Variants in SLC4A7 observed in about 807,000 individuals in gnomAD.
SLC4A7 encodes the protein sodium bicarbonate cotransporter 3.
SLC4A7 carries 51 observed loss-of-function variants against 137.6 expected under a neutral mutation model. That is an observed-to-expected ratio of 0.37 (90% confidence interval 0.30 to 0.47). The LOEUF is 0.47. Ranked by LOEUF, SLC4A7 falls within the 20% of genes least tolerant of loss-of-function variation. The pLI, the probability that SLC4A7 is intolerant of heterozygous loss-of-function variation, is 1.00. For synonymous variants in SLC4A7, 542 were observed against 518.6 expected (o/e 1.05, Z -0.61); for missense variants, 1,247 against 1,525.4 (o/e 0.82, Z 3.04).
At chr3:27,452,311 A>G in intron 2 of SLC4A7, 106 bp downstream of exon 2, 1 of 717,346 alleles carries the variant, frequency 1.4e-6, no homozygotes, top group African/African-American at 1.8e-5. Context: ...TTACAACAAT[A>G]ACAAAAAAAC....
At chr3:27,404,243 A>G (rs924115775) in intron 14 of SLC4A7, among the ~76,000 whole-genome samples, 3 of 152,124 alleles carry the variant, frequency 2.0e-5, no homozygotes, top group Admixed American at 1.3e-4. Context: ...TTGCGGCGCC[A>G]GTAATCCCAG....
Position 27,379,357 on chromosome 3 carries a change from C to T in SLC4A7, c.3591-1G>A. Reference sequence around the variant, plus strand: ...TATGTTAACAATTGAGGGATCAACACTGAAGAACAAATACACTTTTTGGTT... The same window carrying T: ...TATGTTAACAATTGAGGGATCAACATTGAAGAACAAATACACTTTTTGGTT... On this transcript the variant is annotated splice_acceptor_variant, in intron 24 of 25. Coordinates refer to ENST00000454389, the MANE Select transcript of SLC4A7 (RefSeq NM_001321103.2). LOFTEE classifies it high-confidence loss of function. 1 of 1,491,938 alleles carries T rather than the reference C, an allele frequency of 6.7e-7. No homozygotes were observed. The highest frequency in any genetic ancestry group is 1.2e-5 in the South Asian group (1 of 83,026). 92.4% of individuals were successfully genotyped at this position (1,491,938 alleles called of 1,614,324 possible). A position where few individuals can be genotyped will look rare whatever the true frequency, so the allele number is the denominator to read the frequency against.
At chr3:27,445,763 CA>C (rs71087607) in intron 3 of SLC4A7, among the ~76,000 whole-genome samples, 68,379 of 99,424 alleles carry the variant, frequency 0.69, 22,972 homozygotes, top group East Asian at 0.92. Flanking sequence ...ACTAAAAATA[CA>C]AAAAAAAAAA....
At chr3:27,391,347 G>A (rs963966842) in intron 21 of SLC4A7, among the ~76,000 whole-genome samples, 1 of 152,054 alleles carries the variant, frequency 6.6e-6, no homozygotes, top group Non-Finnish European at 1.5e-5. Flanking sequence ...TATATGCTAG[G>A]CTTCATAAGC....
intron 3 of SLC4A7, among the ~76,000 whole-genome samples, chr3:27,437,961 C>A (rs1175020981): frequency 2.0e-5 from 3 of 152,166 alleles, no homozygotes; most frequent in Non-Finnish European, 4.4e-5. Flanking sequence ...CTTTGAGAGG[C>A]AGAGGCAAGT....
chr3:27,440,970 A>G (rs7646770), intron 3 of SLC4A7, among the ~76,000 whole-genome samples: 140,552 of 152,034 alleles, frequency 0.92, 65,095 homozygotes, highest in East Asian at 1. Flanking sequence ...GCTTGAACCC[A>G]GGACGCAGAG....
chr3:27,387,887 C>T (rs1193802546), intron 22 of SLC4A7, among the ~76,000 whole-genome samples: 1 of 152,198 alleles, frequency 6.6e-6, no homozygotes, highest in Non-Finnish European at 1.5e-5. Context: ...TGCCCACCCC[C>T]ACATACTGCC....
intron 1 of SLC4A7, among the ~76,000 whole-genome samples, chr3:27,483,848 G>C (rs1284941561): frequency 1.3e-5 from 2 of 151,080 alleles, no homozygotes; most frequent in African/African-American, 4.8e-5. Flanking sequence ...CGGCCGCCCC[G>C]ACTCGGGCCT....
At chr3:27,456,498 C>G (rs2058417728) in intron 1 of SLC4A7, among the ~76,000 whole-genome samples, 1 of 152,190 alleles carries the variant, frequency 6.6e-6, no homozygotes, top group Non-Finnish European at 1.5e-5. Flanking sequence ...CAAGGAATTA[C>G]TCTTCAACAG....
intron 12 of SLC4A7, 62 bp from the exon 13 acceptor site, chr3:27,409,592 A>G: frequency 4.5e-6 from 6 of 1,340,726 alleles, no homozygotes; most frequent in Non-Finnish European, 6.1e-6. Flanking sequence ...ACTTCAAACT[A>G]AAACTATGGG....
In SLC4A7 at chr3:27,372,820, G is replaced by A. The variant is rs2049647220; in HGVS notation, c.*3944C>T. 1 of 152,566 alleles carries A rather than the reference G, an allele frequency of 6.6e-6. No homozygotes were observed. The highest frequency in any genetic ancestry group is 1.5e-5 in the Non-Finnish European group (1 of 68,022). 9.5% of individuals were successfully genotyped at this position (152,566 alleles called of 1,614,324 possible). ...ATGAAACAAATTTGAAAGGCAGGAT[G>A]ATTCACAATATAGACCCAGTAGAGG... On this transcript the variant is annotated 3_prime_UTR_variant, in exon 26 of 26. Transcript: ENST00000454389.
intron 18 of SLC4A7, among the ~76,000 whole-genome samples, chr3:27,397,064 T>C (rs1240483907): frequency 6.6e-6 from 1 of 152,174 alleles, no homozygotes; most frequent in Non-Finnish European, 1.5e-5. Context: ...GTTCCCCTCT[T>C]ATTGCCCAGT....
chr3:27,456,583 G>C (rs2058423788), intron 1 of SLC4A7: 3 of 1,075,068 alleles, frequency 2.8e-6, no homozygotes, highest in Admixed American at 1.7e-5. Context: ...ATTTCTTCAA[G>C]CTTCACTATT....
chr3:27,433,645 G>A (rs1439687363), intron 6 of SLC4A7, among the ~76,000 whole-genome samples: 1 of 151,604 alleles, frequency 6.6e-6, no homozygotes, highest in Non-Finnish European at 1.5e-5. Context: ...AGTATGTTCA[G>A]GAGAAAAAAA....
Position 27,420,664 on chromosome 3 carries a change from T to C in SLC4A7, c.1512+36A>G, listed in dbSNP as rs183748933. 1.4e-4 allele frequency: 175 copies of C among 1,244,350 alleles called. No individual in the cohort carries two copies. In the African/African-American group the frequency reaches 2.2e-3, roughly 16 times the overall value. 77.1% of individuals were successfully genotyped at this position (1,244,350 alleles called of 1,614,324 possible). On this transcript the variant is annotated intron_variant, in intron 10 of 25. Coordinates refer to ENST00000454389, the MANE Select transcript of SLC4A7 (RefSeq NM_001321103.2). ...TATATACTATATGCTGCATAATTAG[T>C]GTCTACTTCAAAGAGACTTGGAGTA...
At chr3:27,461,850 T>C (rs1232068297) in intron 1 of SLC4A7, among the ~76,000 whole-genome samples, 2 of 151,098 alleles carry the variant, frequency 1.3e-5, no homozygotes, top group Admixed American at 1.3e-4. Context: ...TAGTCCTGGC[T>C]ACACGAGAGG....
chr3:27,439,723 T>A (rs935953769), intron 3 of SLC4A7, among the ~76,000 whole-genome samples: 1 of 152,218 alleles, frequency 6.6e-6, no homozygotes, highest in Admixed American at 6.5e-5. Flanking sequence ...TTCTTTCTTG[T>A]CTTATTACAC....
rs1341175206 is a variant in SLC4A7 at position 27,484,252 on chromosome 3, C to T, written c.-126G>A. The T allele has an allele frequency of 2.7e-6, 2 of 754,170 alleles. No individual in the cohort carries two copies. Among genetic ancestry groups the T allele is most frequent in the Non-Finnish European group, 3.6e-6 (2 of 558,750 alleles). 46.7% of individuals were successfully genotyped at this position (754,170 alleles called of 1,614,324 possible). ...GAGGACAAACGTGGGTGCGTCCGTG[C>T]GCGAGGTGTGCGCGCGTGGGGAGAG... is the stretch of plus-strand genomic sequence containing the variant. On this transcript the variant is annotated 5_prime_UTR_variant, in exon 1 of 26. Transcript: ENST00000454389.
chr3:27,473,583 C>T (rs2059340894), intron 1 of SLC4A7, among the ~76,000 whole-genome samples: 1 of 150,940 alleles, frequency 6.6e-6, no homozygotes, highest in African/African-American at 2.4e-5. Flanking sequence ...TGGTGCGTGC[C>T]TGTAGTCCCA....
Sources: allele counts gnomAD v4.1 joint callset (sites outside exome capture counted in the v4.1 genomes callset), GRCh38; gene constraint gnomAD v4.1.1; transcripts MANE v1.5; gene names NCBI Gene and HGNC (gene_info 2026-07-23, HGNC 2026-07-21).